CHST9: variants seen among roughly 807,000 people sequenced by gnomAD.
The protein encoded by CHST9 is GalNAc-4-sulfotransferase 2.
In CHST9, 41 loss-of-function variants were observed where a neutral mutation model predicts 44.4. The ratio of observed to expected loss-of-function variants is 0.92; its 90% confidence interval spans 0.72 to 1.20. The LOEUF is 1.20. Among genes scored for constraint, CHST9 ranks in the 50% most tolerant of loss-of-function variants. The pLI is 0.00. For missense variants in CHST9, 504 were observed against 516.5 expected (o/e 0.98, Z 0.23); for synonymous variants, 171 against 178.4 (o/e 0.96, Z 0.33).
chr18:26,958,722 G>C (rs566229752), intron 4 of CHST9, among the ~76,000 whole-genome samples: 1 of 152,292 alleles, frequency 6.6e-6, no homozygotes, highest in South Asian at 2.1e-4. Context: ...AAGAAAAAAT[G>C]CTCAACGTTA....
At chr18:27,169,732 G>T (rs1021340107) in intron 1 of CHST9, among the ~76,000 whole-genome samples, 5 of 147,678 alleles carry the variant, frequency 3.4e-5, no homozygotes, top group Admixed American at 6.9e-5. Flanking sequence ...TCAGCCTCCC[G>T]AGCAGCTGGG....
chr18:27,115,308 A>G (rs1348178541), intron 2 of CHST9, among the ~76,000 whole-genome samples: 1 of 152,200 alleles, frequency 6.6e-6, no homozygotes, highest in Non-Finnish European at 1.5e-5. Context: ...TATATGATAT[A>G]AACACATAAA....
intron 5 of CHST9, among the ~76,000 whole-genome samples, chr18:26,933,942 G>A (rs926974899): frequency 1.3e-5 from 2 of 152,186 alleles, no homozygotes; most frequent in African/African-American, 4.8e-5. Context: ...TACTAGGGCT[G>A]AGATCTTAAT....
intron 2 of CHST9, among the ~76,000 whole-genome samples, chr18:27,095,012 G>A (rs936856255): frequency 1.6e-4 from 24 of 152,138 alleles, no homozygotes; most frequent in African/African-American, 5.8e-4. Flanking sequence ...TATATGTTAA[G>A]AGACAGGTTA....
intron 2 of CHST9, among the ~76,000 whole-genome samples, chr18:27,075,681 T>A (rs951793220): frequency 6.7e-6 from 1 of 148,178 alleles, no homozygotes; most frequent in African/African-American, 2.5e-5. Context: ...GAAGTATCTC[T>A]TCCACACACA....
intron 2 of CHST9, among the ~76,000 whole-genome samples, chr18:27,093,905 C>G (rs982978527): frequency 6.7e-6 from 1 of 149,848 alleles, no homozygotes; most frequent in African/African-American, 2.5e-5. Context: ...TTTTTTTAAA[C>G]AAAGAGGCTG....
intron 2 of CHST9, among the ~76,000 whole-genome samples, chr18:27,129,328 A>C (rs2058452336): frequency 6.6e-6 from 1 of 152,122 alleles, no homozygotes; most frequent in Non-Finnish European, 1.5e-5. Context: ...ACTTGCCACC[A>C]AACCTCTTAA....
intron 2 of CHST9, among the ~76,000 whole-genome samples, chr18:27,107,076 T>C (rs1002564167): frequency 1.3e-5 from 2 of 152,018 alleles, no homozygotes; most frequent in Non-Finnish European, 2.9e-5. Flanking sequence ...AGGTGAAGTG[T>C]GAAAAATGGC....
chr18:27,155,981 A>C (rs1291422895), intron 1 of CHST9, among the ~76,000 whole-genome samples: 1 of 152,144 alleles, frequency 6.6e-6, no homozygotes, highest in Non-Finnish European at 1.5e-5. Context: ...ATAAAAAATA[A>C]TTCAAAGGAA....
Position 26,916,411 on chromosome 18 carries a change from T to A in CHST9, c.1180A>T (p.Asn394Tyr). 6.2e-7 allele frequency: 1 copy of A among 1,613,804 alleles called. No individual in the cohort carries two copies. The highest frequency in any genetic ancestry group is 8.5e-7 in the Non-Finnish European group (1 of 1,179,754). ...IGAPKELKFP[N>Y]FKDRHSSDER... is the part of the protein sequence containing the mutation. ...TCGGAAGAGTGCCTATCCTTAAAGTTGGGAAATTTCAGCTCCTTTGGAGCA... is the reference window on the plus strand; with the variant it reads ...TCGGAAGAGTGCCTATCCTTAAAGTAGGGAAATTTCAGCTCCTTTGGAGCA... The change falls in exon 6 of 6, where the codon AAC (asparagine) becomes TAC (tyrosine). Residue 394 changes from asparagine to tyrosine, a missense_variant. Physicochemically the swap from Asn to Tyr is moderately radical, Grantham distance 143. Coordinates refer to ENST00000618847, the MANE Select transcript of CHST9 (RefSeq NM_031422.6).
At chr18:27,052,666 A>G (rs1432139892) in intron 2 of CHST9, among the ~76,000 whole-genome samples, 1 of 152,178 alleles carries the variant, frequency 6.6e-6, no homozygotes, top group East Asian at 1.9e-4. Flanking sequence ...TTAAATAATT[A>G]TAGTCCCAGT....
At chr18:26,959,143 A>C (rs1358453561) in intron 4 of CHST9, among the ~76,000 whole-genome samples, 1 of 152,216 alleles carries the variant, frequency 6.6e-6, no homozygotes, top group Non-Finnish European at 1.5e-5. Flanking sequence ...GCCATGAAAA[A>C]ATGAAACCAT....
At chr18:27,112,577 ACG>A (rs2058280903) in intron 2 of CHST9, among the ~76,000 whole-genome samples, 1 of 81,412 alleles carries the variant, frequency 1.2e-5, no homozygotes. Context: ...GGGATATTCA[ACG>A]TGTGTGTGTG....
At chr18:27,087,591 G>A (rs2058025115) in intron 2 of CHST9, among the ~76,000 whole-genome samples, 1 of 152,126 alleles carries the variant, frequency 6.6e-6, no homozygotes, top group Admixed American at 6.5e-5. Context: ...TGTAACAATT[G>A]AAATACACAG....
intron 3 of CHST9, among the ~76,000 whole-genome samples, chr18:27,047,960 A>G (rs2057524500): frequency 6.6e-6 from 1 of 152,218 alleles, no homozygotes; most frequent in Non-Finnish European, 1.5e-5. Context: ...ACTATGTGCA[A>G]TGGCATTCTG....
At chr18:26,985,302 T>A (rs1384419248) in intron 4 of CHST9, among the ~76,000 whole-genome samples, 1 of 152,200 alleles carries the variant, frequency 6.6e-6, no homozygotes, top group East Asian at 1.9e-4. Context: ...GAAGAGACTT[T>A]TGCTTCTGAT....
At chr18:26,944,291 A>C (rs1481841669) in intron 5 of CHST9, 38 bp downstream of exon 5, 1 of 1,531,216 alleles carries the variant, frequency 6.5e-7, no homozygotes, top group African/African-American at 1.4e-5. Flanking sequence ...CATTGAAACA[A>C]AATTCTATAT....
intron 4 of CHST9, among the ~76,000 whole-genome samples, chr18:26,948,906 G>C (rs1359046148): frequency 6.6e-6 from 1 of 152,118 alleles, no homozygotes; most frequent in Admixed American, 6.5e-5. Flanking sequence ...AGTTCTGAGC[G>C]GCTTATGTAA....
intron 4 of CHST9, among the ~76,000 whole-genome samples, chr18:26,966,062 T>G (rs936406174): frequency 6.6e-6 from 1 of 152,270 alleles, no homozygotes; most frequent in African/African-American, 2.4e-5. Context: ...ATGCTGCTTT[T>G]AATTTTCCCA....
Sources: allele counts gnomAD v4.1 joint callset (sites outside exome capture counted in the v4.1 genomes callset), GRCh38; gene constraint gnomAD v4.1.1; transcripts MANE v1.5; gene names NCBI Gene and HGNC (gene_info 2026-07-23, HGNC 2026-07-21).